Variants in CENPP observed in about 807,000 individuals in gnomAD.
The protein encoded by CENPP is centromere protein P.
In CENPP, 24 loss-of-function variants were observed where a neutral mutation model predicts 35.6. That is an observed-to-expected ratio of 0.67 (90% confidence interval 0.49 to 0.95). CENPP has a LOEUF of 0.95. Among genes scored for constraint, CENPP ranks in the 40% least tolerant of loss-of-function variants. The probability of loss-of-function intolerance (pLI) is 0.00; values close to 1 mark genes in which losing one functional copy is unlikely to be tolerated. For synonymous variants in CENPP, 120 were observed against 125.5 expected, an observed-to-expected ratio of 0.96 and a Z score of 0.29; for missense variants, 332 against 345.3, an observed-to-expected ratio of 0.96 and a Z score of 0.31.
At chr9:92,353,534 G>A (rs568088996) in intron 4 of CENPP, among the ~76,000 whole-genome samples, 1 of 152,288 alleles carries the variant, frequency 6.6e-6, no homozygotes, top group African/African-American at 2.4e-5. Flanking sequence ...CCATTGTGAA[G>A]TAGTAGAATG....
At chr9:92,469,484 G>C (rs1845431428) in intron 5 of CENPP, among the ~76,000 whole-genome samples, 1 of 152,190 alleles carries the variant, frequency 6.6e-6, no homozygotes. Flanking sequence ...CTGACCCAGG[G>C]TGACAGGGAG....
intron 5 of CENPP, among the ~76,000 whole-genome samples, chr9:92,531,311 A>AT (rs1229418600): frequency 6.6e-6 from 1 of 152,096 alleles, no homozygotes; most frequent in African/African-American, 2.4e-5. Flanking sequence ...TCCTTGACTT[A>AT]TCAAAGTCTT....
chr9:92,552,387 G>A (rs976033187), intron 5 of CENPP, among the ~76,000 whole-genome samples: 2 of 151,998 alleles, frequency 1.3e-5, no homozygotes, highest in African/African-American at 2.4e-5. Context: ...ATCAACTGGT[G>A]GTTCTACTTT....
chr9:92,337,645 T>G lies in CENPP; in HGVS notation c.378+16T>G, dbSNP rs762338827. ...GGAAATTCAGGTAAATTAAGAAGCA[T>G]GTTGTGATAACAGAGATACTTCTGC... On this transcript the variant is annotated intron_variant, in intron 3 of 7. Transcript: ENST00000375587. 6 of 1,448,464 alleles carry G rather than the reference T, an allele frequency of 4.1e-6. No individual in the cohort carries two copies. Among genetic ancestry groups the G allele is most frequent in the Non-Finnish European group, 5.8e-6 (6 of 1,029,302 alleles). 89.7% of individuals were successfully genotyped at this position (1,448,464 alleles called of 1,614,324 possible).
At position 92,620,343 on chromosome 9, in the gene CENPP, A is replaced by C. The variant is rs1229801230; in HGVS notation, c.*7194A>C. 1 of 152,364 alleles carries C rather than the reference A, an allele frequency of 6.6e-6. No individual in the cohort carries two copies. Among genetic ancestry groups the C allele is most frequent in the African/African-American group, 2.4e-5 (1 of 41,444 alleles). The allele number at this position is 152,364 out of a possible 1,614,324, so 9.4% of individuals were successfully genotyped here. A position where few individuals can be genotyped will look rare whatever the true frequency, so the allele number is the denominator to read the frequency against. On this transcript the variant is annotated 3_prime_UTR_variant, in exon 8 of 8. Coordinates refer to ENST00000375587, the MANE Select transcript of CENPP (RefSeq NM_001012267.3). ...GACATACGTAAAGCTGTACATGTGC[A>C]CATGTGTGTGACGCGGGCAGGGAGA... is the stretch of plus-strand genomic sequence containing the variant.
intron 5 of CENPP, chr9:92,611,059 A>G (rs2131399873): frequency 1.8e-6 from 1 of 557,862 alleles, no homozygotes; most frequent in Non-Finnish European, 3.2e-6. Flanking sequence ...ATGAGAATAC[A>G]GCTGTAGGGA....
At chr9:92,366,123 T>G (rs1588063362) in intron 4 of CENPP, among the ~76,000 whole-genome samples, 1 of 135,666 alleles carries the variant, frequency 7.4e-6, no homozygotes, top group Non-Finnish European at 1.5e-5. Flanking sequence ...GAGCTGGCAG[T>G]GAGCCAAGAC....
At chr9:92,388,547 C>CA (rs111602359) in intron 5 of CENPP, among the ~76,000 whole-genome samples, 3,940 of 138,388 alleles carry the variant, frequency 0.028, 148 homozygotes, top group African/African-American at 0.091. Context: ...AACTTTAAAA[C>CA]AAAAAAAAAA....
At chr9:92,407,382 A>C (rs2130941848) in intron 5 of CENPP, among the ~76,000 whole-genome samples, 1 of 152,254 alleles carries the variant, frequency 6.6e-6, no homozygotes. Flanking sequence ...AACATAGATC[A>C]CCTCTCAGAA....
At chr9:92,493,332 C>A (rs944296884) in intron 5 of CENPP, among the ~76,000 whole-genome samples, 1 of 152,046 alleles carries the variant, frequency 6.6e-6, no homozygotes, top group African/African-American at 2.4e-5. Flanking sequence ...CAAATGAATC[C>A]CAAAGAAGTA....
chr9:92,357,381 T>A (rs1841617004), intron 4 of CENPP, among the ~76,000 whole-genome samples: 1 of 151,786 alleles, frequency 6.6e-6, no homozygotes, highest in Non-Finnish European at 1.5e-5. Flanking sequence ...TGCCTGAGAA[T>A]GTCTTAATTT....
At chr9:92,478,486 C>G (rs1198386244) in intron 5 of CENPP, among the ~76,000 whole-genome samples, 4 of 152,150 alleles carry the variant, frequency 2.6e-5, no homozygotes, top group African/African-American at 9.7e-5. Context: ...TGGAGTCTCA[C>G]TTTGTCGCCC....
chr9:92,445,517 C>G (rs1284217517), intron 5 of CENPP, among the ~76,000 whole-genome samples: 1 of 152,058 alleles, frequency 6.6e-6, no homozygotes, highest in Non-Finnish European at 1.5e-5. Context: ...GGTTGTACAA[C>G]CCTGAGTATA....
At chr9:92,342,843 T>C (rs750239768) in intron 3 of CENPP, among the ~76,000 whole-genome samples, 17 of 151,888 alleles carry the variant, frequency 1.1e-4, no homozygotes, top group Non-Finnish European at 2.2e-4. Context: ...ATGTATGCCT[T>C]TAGAAACATA....
chr9:92,389,732 CTTCA>C, intron 5 of CENPP: 7 of 649,552 alleles, frequency 1.1e-5, no homozygotes, highest in Non-Finnish European at 1.8e-5. Flanking sequence ...TAAATAATGT[CTTCA>C]TTTATTAAAT....
At chr9:92,393,022 TG>T in intron 5 of CENPP, 1 of 1,318,982 alleles carries the variant, frequency 7.6e-7, no homozygotes. Flanking sequence ...TATAGAAACT[TG>T]TGTTTATATG....
intron 5 of CENPP, among the ~76,000 whole-genome samples, chr9:92,398,444 T>C (rs1251214437): frequency 1.3e-5 from 2 of 152,174 alleles, no homozygotes; most frequent in Non-Finnish European, 2.9e-5. Flanking sequence ...TTTTAGCCTG[T>C]ATTTATTTTC....
At chr9:92,470,936 G>A (rs1440147478) in intron 5 of CENPP, among the ~76,000 whole-genome samples, 2 of 152,138 alleles carry the variant, frequency 1.3e-5, no homozygotes, top group African/African-American at 4.8e-5. Flanking sequence ...CATTGTTTTG[G>A]GGGAAGACCT....
intron 5 of CENPP, among the ~76,000 whole-genome samples, chr9:92,533,083 G>A (rs898171895): frequency 9.2e-5 from 14 of 151,440 alleles, no homozygotes; most frequent in African/African-American, 3.4e-4. Context: ...CGGATCACAA[G>A]GTCAGGAGTT....
Sources: allele counts gnomAD v4.1 joint callset (sites outside exome capture counted in the v4.1 genomes callset), GRCh38; gene constraint gnomAD v4.1.1; transcripts MANE v1.5; gene names NCBI Gene and HGNC (gene_info 2026-07-23, HGNC 2026-07-21).